NPAS3: variants seen among roughly 807,000 people sequenced by gnomAD.
NPAS3 encodes the protein neuronal PAS domain protein 3.
NPAS3 carries 14 observed loss-of-function variants against 73.1 expected under a neutral mutation model. The ratio of observed to expected loss-of-function variants is 0.19; its 90% CI spans 0.13 to 0.30. The LOEUF (loss-of-function observed/expected upper bound fraction) is 0.30. NPAS3 is among the 10% of genes least tolerant of loss of function. The probability of loss-of-function intolerance (pLI) is 1.00; values close to 1 mark genes in which losing one functional copy is unlikely to be tolerated. For synonymous variants in NPAS3, 620 were observed against 541.5 expected (o/e 1.14, Z -2.01); for missense variants, 1,096 against 1,250.0 (o/e 0.88, Z 1.86).
intron 4 of NPAS3, among the ~76,000 whole-genome samples, chr14:33,371,663 A>C (rs954223595): frequency 6.6e-6 from 1 of 152,210 alleles, no homozygotes; most frequent in African/African-American, 2.4e-5. Flanking sequence ...AAAAATGTTC[A>C]TATCTAATGC....
intron 2 of NPAS3, among the ~76,000 whole-genome samples, chr14:33,103,497 AG>A (rs2042636377): frequency 1.3e-5 from 2 of 152,338 alleles, no homozygotes; most frequent in South Asian, 4.1e-4. Flanking sequence ...TTGAGGGTAA[AG>A]GTCCTAAGTA....
chr14:33,732,202 C>T (rs1423839495), intron 6 of NPAS3, among the ~76,000 whole-genome samples: 1 of 152,144 alleles, frequency 6.6e-6, no homozygotes. Context: ...CCTCTCTTCG[C>T]CTCATCCCAC....
intron 3 of NPAS3, among the ~76,000 whole-genome samples, chr14:33,278,359 A>G (rs2041432711): frequency 6.6e-6 from 1 of 152,112 alleles, no homozygotes; most frequent in African/African-American, 2.4e-5. Flanking sequence ...TCACCTAGAG[A>G]TAAATGTGTA....
At chr14:33,050,380 T>C (rs780237784) in intron 1 of NPAS3, among the ~76,000 whole-genome samples, 2 of 152,178 alleles carry the variant, frequency 1.3e-5, no homozygotes, top group African/African-American at 2.4e-5. Context: ...TTTTAGATGT[T>C]TGAGGCCCAG....
chr14:33,702,943 A>G (rs373070793), intron 6 of NPAS3, among the ~76,000 whole-genome samples: 1 of 152,198 alleles, frequency 6.6e-6, no homozygotes. Context: ...AAGCTAGAAG[A>G]TATAAGCCAC....
At chr14:33,056,111 G>GGA (rs1566511158) in intron 2 of NPAS3, 117 bp downstream of exon 2, 3 of 453,806 alleles carry the variant, frequency 6.6e-6, no homozygotes, top group Admixed American at 4.1e-5. Flanking sequence ...TAGTGGGGGA[G>GGA]AAAAAAAAAC....
chr14:33,389,974 T>C (rs1213987100), intron 4 of NPAS3, among the ~76,000 whole-genome samples: 1 of 152,178 alleles, frequency 6.6e-6, no homozygotes, highest in East Asian at 1.9e-4. Flanking sequence ...CATATGGTCA[T>C]CTGTCAGCCG....
At position 33,011,004 on chromosome 14, in the gene NPAS3, A is replaced by C. The variant is rs540499163; in HGVS notation, c.51-44901A>C. Among the ~76,000 whole-genome samples the C allele has an allele frequency of 3.9e-5, 6 of 152,200 alleles. 1 individual carries two copies. The South Asian group carries it at 1.2e-3, about 32-fold the overall frequency. On this transcript the variant is annotated intron_variant, in intron 1 of 11. Coordinates refer to ENST00000356141, the Ensembl canonical transcript of NPAS3. ...TGTGAGCTCTAAATACATTTAAGAA[A>C]GACTAATAATTATTTTTGAAACTTT...
At chr14:33,741,804 G>A (rs8006023) in intron 7 of NPAS3, among the ~76,000 whole-genome samples, 21,549 of 152,032 alleles carry the variant, frequency 0.14, 3,554 homozygotes, top group African/African-American at 0.4. Context: ...TTCATTTTCC[G>A]CTACAGAGAT....
At chr14:33,505,592 C>A (rs1034031122) in intron 4 of NPAS3, among the ~76,000 whole-genome samples, 2 of 151,898 alleles carry the variant, frequency 1.3e-5, no homozygotes, top group African/African-American at 4.8e-5. Context: ...AAATTACTTA[C>A]CAAAAATTAA....
intron 2 of NPAS3, among the ~76,000 whole-genome samples, chr14:33,151,108 A>ATAGT (rs2044427490): frequency 6.6e-6 from 1 of 152,250 alleles, no homozygotes; most frequent in Non-Finnish European, 1.5e-5. Flanking sequence ...AAGAAGAAAG[A>ATAGT]TAACTATTTC....
At chr14:33,245,053 A>G (rs1016020876) in intron 3 of NPAS3, among the ~76,000 whole-genome samples, 1 of 152,234 alleles carries the variant, frequency 6.6e-6, no homozygotes, top group African/African-American at 2.4e-5. Flanking sequence ...CTCCTGATGT[A>G]GCTGAAGGCT....
intron 5 of NPAS3, among the ~76,000 whole-genome samples, chr14:33,581,199 A>G (rs1403124770): frequency 6.6e-6 from 1 of 152,188 alleles, no homozygotes; most frequent in Non-Finnish European, 1.5e-5. Context: ...AAAATGTGTT[A>G]TCCCCTTCAT....
chr14:33,250,170 A>G (rs1594508768), intron 3 of NPAS3, among the ~76,000 whole-genome samples: 1 of 152,128 alleles, frequency 6.6e-6, no homozygotes. Context: ...TACAAGCCTT[A>G]TGATAGATTT....
chr14:33,768,252 TG>T (rs1333554787), intron 7 of NPAS3, among the ~76,000 whole-genome samples: 1 of 152,172 alleles, frequency 6.6e-6, no homozygotes, highest in African/African-American at 2.4e-5. Context: ...CAGCTTTTTG[TG>T]ATAAAACAGG....
chr14:33,542,422 G>C (rs1057026412), intron 4 of NPAS3, among the ~76,000 whole-genome samples: 11 of 152,128 alleles, frequency 7.2e-5, no homozygotes, highest in African/African-American at 2.7e-4. Context: ...GTGGCTGCTG[G>C]CCTTGGCAGA....
intron 1 of NPAS3, among the ~76,000 whole-genome samples, chr14:33,055,056 C>T (rs1403518638): frequency 6.6e-6 from 1 of 152,116 alleles, no homozygotes; most frequent in Admixed American, 6.6e-5. Context: ...GGTACTCGTA[C>T]TGATATTGTG....
At chr14:33,176,289 G>T (rs2045587671) in intron 2 of NPAS3, among the ~76,000 whole-genome samples, 1 of 152,186 alleles carries the variant, frequency 6.6e-6, no homozygotes, top group Non-Finnish European at 1.5e-5. Context: ...CATTCACAGT[G>T]TTGTGCAGCC....
At chr14:33,288,369 C>T (rs1387961094) in intron 3 of NPAS3, among the ~76,000 whole-genome samples, 1 of 152,110 alleles carries the variant, frequency 6.6e-6, no homozygotes, top group Non-Finnish European at 1.5e-5. Context: ...TTCATAGTCT[C>T]ACAAAGCCAT....
Sources: gnomAD v4.1 joint callset for allele counts (sites outside exome capture counted in the v4.1 genomes callset) on GRCh38, gnomAD v4.1.1 for gene constraint, MANE v1.5 for transcripts, NCBI Gene and HGNC (gene_info 2026-07-23, HGNC 2026-07-21) for gene names.